TCF21: variants seen among roughly 807,000 people sequenced by gnomAD.
TCF21 encodes the protein transcription factor 21, also known as capsulin.
TCF21 carries 3 observed loss-of-function variants against 13.5 expected under a neutral mutation model. That is an observed-to-expected ratio of 0.22 (90% CI 0.10 to 0.57). TCF21 has a LOEUF of 0.57. Ranked by LOEUF, TCF21 falls within the 20% of genes least tolerant of loss-of-function variation. TCF21 has a pLI of 0.92. For synonymous variants in TCF21, 92 were observed against 101.7 expected, an observed-to-expected ratio of 0.90 and a Z score of 0.57; for missense variants, 181 against 238.4, an observed-to-expected ratio of 0.76 and a Z score of 1.59.
intron 1 of TCF21, 70 bp from the exon 2 acceptor site, chr6:133,891,643 T>G (rs1301863921): frequency 2.2e-6 from 2 of 925,766 alleles, no homozygotes; most frequent in Non-Finnish European, 1.6e-6. Context: ...TCCTTTCATC[T>G]CAGGCCCCGA....
At chr6:133,893,077 A>T (rs1191935723), downstream of TCF21, 2 of 152,228 alleles carry the variant, frequency 1.3e-5, no homozygotes, top group Non-Finnish European at 2.9e-5. Flanking sequence ...TTATACTGTT[A>T]TTCCTCGCAG....
In TCF21 at chr6:133,889,906, G is replaced by C; in HGVS notation, c.450+59G>C. 6.3e-7 allele frequency: 1 copy of C among 1,588,928 alleles called. No individual in the cohort carries two copies. The highest frequency in any genetic ancestry group is 1.3e-5 in the African/African-American group (1 of 74,512). ...GCGCGCCCGCACTCCCGCCTGCGGT[G>C]GGCGCGAGTGCGCGCGGGGCTGGGA... On this transcript the variant is annotated intron_variant, in intron 1 of 1. Coordinates refer to ENST00000367882, the MANE Select transcript of TCF21 (RefSeq NM_003206.4). This position sits in a 1 kb window ranked among gnomAD's most constrained non-coding sequence, Gnocchi z 5.1.
At position 133,889,600 on chromosome 6, in the gene TCF21, C is replaced by T. The variant is rs1583770254; in HGVS notation, c.203C>T (p.Pro68Leu). The T allele has an allele frequency of 6.2e-7, 1 of 1,614,014 alleles. No individual in the cohort carries two copies. Among genetic ancestry groups the T allele is most frequent in the Non-Finnish European group, 8.5e-7 (1 of 1,179,950 alleles). Residue 68 changes from proline to leucine, a missense_variant, in exon 1 of 2, where the codon CCC becomes CTC. Pro to Leu is a moderately conservative substitution (Grantham distance 98). Coordinates refer to ENST00000367882, the MANE Select transcript of TCF21 (RefSeq NM_003206.4). The surrounding 1 kb of genome is among the most constrained non-coding windows in gnomAD (Gnocchi z 5.1). ...AGGAAGGCGCCCACCAAGAAGAGCC[C>T]CCTGAGCGGGGTCAGCCAGGAGGGG... is the stretch of plus-strand genomic sequence containing the variant. ...KRRKAPTKKS[P>L]LSGVSQEGKQ...
rs749885222 is a variant in TCF21, at chr6:133,891,853, C to A, written c.*51C>A. 4.7e-5 allele frequency: 75 copies of A among 1,597,796 alleles called. No homozygotes were observed. In the South Asian group the frequency reaches 8.1e-4, roughly 17 times the overall value. On this transcript the variant is annotated 3_prime_UTR_variant, in exon 2 of 2. Coordinates refer to ENST00000367882, the MANE Select transcript of TCF21 (RefSeq NM_003206.4). ...GCGCGCTCCCGGGGGGAGCGGGCCC[C>A]GGGAAGGCGACCCCTGCCCTCAGTG...
chr6:133,889,191 C>T lies in TCF21; in HGVS notation c.-207C>T. 1.6e-6 allele frequency: 1 copy of T among 621,542 alleles called. No homozygotes were observed. Among genetic ancestry groups the T allele is most frequent in the Non-Finnish European group, 2.8e-6 (1 of 353,794 alleles). 38.5% of individuals were successfully genotyped at this position (621,542 alleles called of 1,614,324 possible). On this transcript the variant is annotated 5_prime_UTR_variant, in exon 1 of 2. Transcript: ENST00000367882. The surrounding 1 kb of genome is among the most constrained non-coding windows in gnomAD (Gnocchi z 5.1). ...AGCCGGTTCCTCTGCTGCAGAAGTCCTCGGGGTTCCTTCTCACAACTCTGC... is the reference window on the plus strand; with the variant it reads ...AGCCGGTTCCTCTGCTGCAGAAGTCTTCGGGGTTCCTTCTCACAACTCTGC...
Position 133,892,047 on chromosome 6 carries a change from C to T in TCF21, c.*245C>T. ...CTTCTACCGTGAATGACTCTGCAAG[C>T]CTTGCTGGTCCAAGTGCAATATGTA... On this transcript the variant is annotated 3_prime_UTR_variant, in exon 2 of 2. Coordinates refer to ENST00000367882, the MANE Select transcript of TCF21 (RefSeq NM_003206.4). 2.2e-6 allele frequency: 1 copy of T among 462,572 alleles called. No homozygotes were observed. The highest frequency in any genetic ancestry group is 1.9e-5 in the African/African-American group (1 of 51,804). The allele number at this position is 462,572 out of a possible 1,614,324, so 28.7% of individuals were successfully genotyped here. A position where few individuals can be genotyped will look rare whatever the true frequency, so the allele number is the denominator to read the frequency against.
rs1405544913 is a variant in TCF21, at chr6:133,889,968, G to T, written c.450+121G>T. 1.8e-6 allele frequency: 2 copies of T among 1,125,314 alleles called. No homozygotes were observed. The highest frequency in any genetic ancestry group is 2.6e-6 in the Non-Finnish European group (2 of 760,702). The allele number at this position is 1,125,314 out of a possible 1,614,324, so 69.7% of individuals were successfully genotyped here. A position where few individuals can be genotyped will look rare whatever the true frequency, so the allele number is the denominator to read the frequency against. ...GGCGCGGCGGTGACTTACACATCTC[G>T]ACCACCGCGGGCCTAGAGCCTCCAG... On this transcript the variant is annotated intron_variant, in intron 1 of 1. Transcript: ENST00000367882. This position sits in a 1 kb window ranked among gnomAD's most constrained non-coding sequence, Gnocchi z 5.1.
downstream of TCF21, chr6:133,894,556 C>T (rs538522345): frequency 6.5e-6 from 1 of 152,746 alleles, no homozygotes; most frequent in African/African-American, 2.4e-5. Context: ...CAACACACAC[C>T]CACAGTCTAA....
chr6:133,891,325 C>G (rs938958521), intron 1 of TCF21, among the ~76,000 whole-genome samples: 4 of 152,234 alleles, frequency 2.6e-5, no homozygotes, highest in Non-Finnish European at 5.9e-5. Context: ...CCAGTAGGCA[C>G]AAGGTCGTTC....
At chr6:133,894,755 G>T (rs1025197863), downstream of TCF21, 1 of 152,276 alleles carries the variant, frequency 6.6e-6, no homozygotes, top group African/African-American at 2.4e-5. Context: ...GAAAGAATGG[G>T]GAACTCCCTT....
downstream of TCF21, chr6:133,892,862 G>A (rs1441116768): frequency 1.3e-5 from 2 of 152,184 alleles, no homozygotes; most frequent in African/African-American, 4.8e-5. Context: ...GGCGGACTGG[G>A]TTTAATTTAA....
At chr6:133,890,143 C>G (rs1015457686) in intron 1 of TCF21, among the ~76,000 whole-genome samples, 2 of 152,222 alleles carry the variant, frequency 1.3e-5, no homozygotes, top group East Asian at 1.9e-4. Context: ...TCCCCCGCTC[C>G]CGCTCCATCG....
At position 133,889,834 on chromosome 6, in the gene TCF21, A is replaced by T; in HGVS notation, c.437A>T (p.His146Leu). The T allele has an allele frequency of 2.5e-6, 4 of 1,612,694 alleles. No individual in the cohort carries two copies. Among genetic ancestry groups the T allele is most frequent in the Non-Finnish European group, 3.4e-6 (4 of 1,179,776 alleles). ...ANDKYENGYIHPVNLTWPFMV... is the reference protein window; with the variant it reads ...ANDKYENGYILPVNLTWPFMV... ...GACAAATACGAGAACGGGTACATTC[A>T]CCCGGTCAACCTGGTGAGTGCTCCC... The change falls in exon 1 of 2, where the codon CAC becomes CTC. Residue 146 changes from histidine (H) to leucine (L), a missense_variant. His to Leu is a moderately conservative substitution (Grantham distance 99). Around this residue, in one of 3 missense-constraint regions of TCF21, gnomAD observed 55 missense variants for 59.5 expected, o/e 0.92. Coordinates refer to ENST00000367882, the MANE Select transcript of TCF21 (RefSeq NM_003206.4). The surrounding 1 kb of genome is among the most constrained non-coding windows in gnomAD (Gnocchi z 5.1).
At chr6:133,890,477 T>C (rs189984750) in intron 1 of TCF21, among the ~76,000 whole-genome samples, 293 of 152,298 alleles carry the variant, frequency 1.9e-3, no homozygotes, top group Non-Finnish European at 3.4e-3. Flanking sequence ...AAATCCTCAC[T>C]AGTATGAGTG....
intron 1 of TCF21, among the ~76,000 whole-genome samples, chr6:133,890,371 G>T (rs1237289615): frequency 6.6e-6 from 1 of 152,136 alleles, no homozygotes; most frequent in Admixed American, 6.5e-5. Flanking sequence ...AATTGTCCAC[G>T]TAAGCCCTTA....
chr6:133,890,143 C>T (rs1015457686), intron 1 of TCF21, among the ~76,000 whole-genome samples: 1 of 152,222 alleles, frequency 6.6e-6, no homozygotes, highest in Non-Finnish European at 1.5e-5. Flanking sequence ...TCCCCCGCTC[C>T]CGCTCCATCG....
Position 133,891,866 on chromosome 6 carries a change from C to T in TCF21, c.*64C>T, listed in dbSNP as rs2048756071. The T allele has an allele frequency of 1.2e-5, 18 of 1,561,612 alleles. No individual in the cohort carries two copies. The highest frequency in any genetic ancestry group is 1.5e-5 in the Non-Finnish European group (17 of 1,139,834). The stretch of plus-strand genomic sequence containing the variant: ...GGGAGCGGGCCCCGGGAAGGCGACC[C>T]CTGCCCTCAGTGCTCTCTGTCTCTG... On this transcript the variant is annotated 3_prime_UTR_variant, in exon 2 of 2. Coordinates refer to ENST00000367882, the MANE Select transcript of TCF21 (RefSeq NM_003206.4).
In TCF21 at chr6:133,889,841, C is replaced by A; in HGVS notation, c.444C>A (p.Val148=). The A allele has an allele frequency of 6.2e-7, 1 of 1,612,714 alleles. No homozygotes were observed. Among genetic ancestry groups the A allele is most frequent in the South Asian group, 1.1e-5 (1 of 91,020 alleles). The stretch of plus-strand genomic sequence containing the variant: ...ACGAGAACGGGTACATTCACCCGGT[C>A]AACCTGGTGAGTGCTCCCGGGGCTG... The part of the protein sequence containing the change: ...DKYENGYIHP[V]NLTWPFMVAG... Residue 148 remains valine (V), a synonymous_variant, in exon 1 of 2, where the codon GTC becomes GTA. Coordinates refer to ENST00000367882, the MANE Select transcript of TCF21 (RefSeq NM_003206.4). This position sits in a 1 kb window ranked among gnomAD's most constrained non-coding sequence, Gnocchi z 5.1.
Position 133,889,214 on chromosome 6 carries a change from T to A in TCF21, c.-184T>A, listed in dbSNP as rs1775160853. ...TCCTCGGGGTTCCTTCTCACAACTC[T>A]GCGAAGGGGAAAGGGTTGTGAGACC... On this transcript the variant is annotated 5_prime_UTR_variant, in exon 1 of 2. Coordinates refer to ENST00000367882, the MANE Select transcript of TCF21 (RefSeq NM_003206.4). The surrounding 1 kb of genome is among the most constrained non-coding windows in gnomAD (Gnocchi z 5.1). 4.3e-6 allele frequency: 3 copies of A among 691,910 alleles called. No individual in the cohort carries two copies. The highest frequency in any genetic ancestry group is 4.9e-6 in the Non-Finnish European group (2 of 405,644). The allele number at this position is 691,910 out of a possible 1,614,324, so 42.9% of individuals were successfully genotyped here. A position where few individuals can be genotyped will look rare whatever the true frequency, so the allele number is the denominator to read the frequency against.
Sources: allele counts gnomAD v4.1 joint callset (sites outside exome capture counted in the v4.1 genomes callset), GRCh38; gene constraint gnomAD v4.1.1; regional missense constraint gnomAD v4.1.1; non-coding constraint Gnocchi (gnomAD v3.1); transcripts MANE v1.5; gene names NCBI Gene and HGNC (gene_info 2026-07-23, HGNC 2026-07-21).